Variants in LDLRAD4 observed in about 807,000 individuals in gnomAD.
The protein encoded by LDLRAD4 is low density lipoprotein receptor class A domain containing 4, also known as low-density lipoprotein receptor class A domain-containing protein 4.
Under a neutral mutation model 17.0 loss-of-function variants are expected in LDLRAD4, and 5 were observed. That is an observed-to-expected ratio of 0.29 (90% CI 0.15 to 0.62). The LOEUF (loss-of-function observed/expected upper bound fraction) is 0.62, where lower values mean the gene tolerates loss of function less well. LDLRAD4 is among the 20% of genes least tolerant of loss of function. The pLI, the probability that LDLRAD4 is intolerant of heterozygous loss-of-function variation, is 0.84. For missense variants in LDLRAD4, 340 were observed against 424.7 expected (o/e 0.80, Z 1.75); for synonymous variants, 168 against 171.8 (o/e 0.98, Z 0.17).
chr18:13,313,830 G>T (rs1224930471), intron 1 of LDLRAD4, among the ~76,000 whole-genome samples: 1 of 151,026 alleles, frequency 6.6e-6, no homozygotes, highest in Non-Finnish European at 1.5e-5. Context: ...GTGCGGGGGG[G>T]TGCCCACGCA....
chr18:13,344,716 A>G (rs1174978030), intron 1 of LDLRAD4, among the ~76,000 whole-genome samples: 2 of 152,244 alleles, frequency 1.3e-5, no homozygotes, highest in African/African-American at 2.4e-5. Context: ...ACCCATGAGC[A>G]TGGAATGTTC....
chr18:13,458,041 C>T (rs1040050984), intron 3 of LDLRAD4, among the ~76,000 whole-genome samples: 1 of 152,140 alleles, frequency 6.6e-6, no homozygotes, highest in Non-Finnish European at 1.5e-5. Flanking sequence ...TTTGCTTTTC[C>T]TAATGGTGAG....
intron 1 of LDLRAD4, among the ~76,000 whole-genome samples, chr18:13,246,032 T>C (rs1312466259): frequency 2.6e-5 from 4 of 152,236 alleles, no homozygotes; most frequent in Admixed American, 6.5e-5. Context: ...AAGTAGATGC[T>C]CAAGAGCAAA....
intron 1 of LDLRAD4, among the ~76,000 whole-genome samples, chr18:13,297,373 C>A (rs2046333643): frequency 1.3e-5 from 2 of 152,158 alleles, no homozygotes; most frequent in African/African-American, 4.8e-5. Context: ...GTGCTGGGAC[C>A]ACTTAACCCT....
chr18:13,547,967 C>T (rs7241473), intron 3 of LDLRAD4, among the ~76,000 whole-genome samples: 72,956 of 152,006 alleles, frequency 0.48, 17,657 homozygotes, highest in Non-Finnish European at 0.53. Context: ...TCCAGAAGAA[C>T]GAGGTACCCA....
intron 1 of LDLRAD4, among the ~76,000 whole-genome samples, chr18:13,379,238 A>G (rs1462905120): frequency 6.6e-6 from 1 of 152,064 alleles, no homozygotes; most frequent in Non-Finnish European, 1.5e-5. Context: ...AGCATGTTTG[A>G]AACAGTGTGG....
chr18:13,306,284 A>G (rs1029212976), intron 1 of LDLRAD4, among the ~76,000 whole-genome samples: 2 of 152,260 alleles, frequency 1.3e-5, no homozygotes, highest in African/African-American at 2.4e-5. Flanking sequence ...GGTGAACACC[A>G]GCTGCCAGTC....
intron 1 of LDLRAD4, among the ~76,000 whole-genome samples, chr18:13,361,297 T>G (rs1332408036): frequency 6.6e-6 from 1 of 152,250 alleles, no homozygotes; most frequent in African/African-American, 2.4e-5. Context: ...CAGGATGGTC[T>G]CAATCTCCTG....
intron 1 of LDLRAD4, among the ~76,000 whole-genome samples, chr18:13,302,838 G>A (rs568302249): frequency 8.4e-4 from 128 of 152,234 alleles, no homozygotes; most frequent in Admixed American, 2.9e-3. Context: ...TCATGTTTAT[G>A]CAGTTTTGTT....
At chr18:13,349,454 A>C (rs1014302125) in intron 1 of LDLRAD4, among the ~76,000 whole-genome samples, 2 of 152,110 alleles carry the variant, frequency 1.3e-5, no homozygotes, top group African/African-American at 4.8e-5. Context: ...ATATTTGTCC[A>C]TGTATTTACC....
chr18:13,381,702 C>A (rs2085382039), intron 1 of LDLRAD4, among the ~76,000 whole-genome samples: 2 of 152,182 alleles, frequency 1.3e-5, no homozygotes, highest in South Asian at 4.1e-4. Context: ...GTGACATCTC[C>A]CTTGGTGGGA....
chr18:13,261,548 C>T (rs1163176207), intron 1 of LDLRAD4, among the ~76,000 whole-genome samples: 1 of 152,170 alleles, frequency 6.6e-6, no homozygotes, highest in Non-Finnish European at 1.5e-5. Context: ...CCTTCAGAAC[C>T]TTTGGGGGTT....
At chr18:13,451,691 A>G (rs2091845726) in intron 3 of LDLRAD4, among the ~76,000 whole-genome samples, 1 of 152,190 alleles carries the variant, frequency 6.6e-6, no homozygotes, top group Non-Finnish European at 1.5e-5. Context: ...TGCCGGACTC[A>G]GTGTCTGGCG....
At chr18:13,411,228 G>C (rs1390268830) in intron 2 of LDLRAD4, among the ~76,000 whole-genome samples, 6 of 150,966 alleles carry the variant, frequency 4.0e-5, no homozygotes, top group Admixed American at 2.6e-4. Context: ...CTTCAACCTG[G>C]GTGACAGAAC....
intron 3 of LDLRAD4, among the ~76,000 whole-genome samples, chr18:13,602,797 CAAAT>C (rs890153567): frequency 8.6e-5 from 13 of 151,884 alleles, no homozygotes; most frequent in Admixed American, 4.6e-4. Flanking sequence ...AATTAAAAAA[CAAAT>C]AAAAATTTGT....
rs1568082892 is a variant in LDLRAD4, at chr18:13,386,939, GATA to G, written c.-382-401_-382-399del. ...AGATAGATAGATAGATAGATAGATA[GATA>G]GATAGATGGATGGATGGATAGATAA... is the stretch of plus-strand genomic sequence containing the variant. On this transcript the variant is annotated intron_variant, in intron 1 of 5. Coordinates refer to ENST00000359446, the Ensembl canonical transcript of LDLRAD4. Among the ~76,000 whole-genome samples the G allele has an allele frequency of 8.4e-3, 1,072 of 127,218 alleles. 10 individuals carry two copies. Among genetic ancestry groups the G allele is most frequent in the East Asian group, 0.057 (196 of 3,422 alleles). 83.5% of individuals were successfully genotyped at this position (127,218 alleles called of 152,430 possible).
At chr18:13,314,295 C>G (rs1005226307) in intron 1 of LDLRAD4, among the ~76,000 whole-genome samples, 1 of 152,108 alleles carries the variant, frequency 6.6e-6, no homozygotes, top group African/African-American at 2.4e-5. Context: ...GAATATTTTA[C>G]AAATAAGAAG....
chr18:13,571,178 C>G (rs2094685593), intron 3 of LDLRAD4, among the ~76,000 whole-genome samples: 1 of 152,166 alleles, frequency 6.6e-6, no homozygotes, highest in East Asian at 1.9e-4. Context: ...TCCCATATGC[C>G]TGGCCAGGCA....
intron 3 of LDLRAD4, among the ~76,000 whole-genome samples, chr18:13,523,400 G>T (rs1027260592): frequency 6.6e-6 from 1 of 152,230 alleles, no homozygotes; most frequent in African/African-American, 2.4e-5. Flanking sequence ...GGGCCACATG[G>T]CAAGGAAACA....
Sources: gnomAD v4.1 joint callset for allele counts (sites outside exome capture counted in the v4.1 genomes callset) on GRCh38, gnomAD v4.1.1 for gene constraint, MANE v1.5 for transcripts, NCBI Gene and HGNC (gene_info 2026-07-23, HGNC 2026-07-21) for gene names.